The following KTN1 variants were observed in gnomAD, a reference collection of about 807,000 sequenced individuals.
KTN1 encodes kinectin.
Under a neutral mutation model 222.5 loss-of-function variants are expected in KTN1, and 130 were observed. The observed-to-expected ratio is 0.58, with a 90% CI of 0.51 to 0.68. The LOEUF (loss-of-function observed/expected upper bound fraction) is 0.68, where lower values mean the gene tolerates loss of function less well. KTN1 is among the 30% of genes least tolerant of loss of function. The pLI is 0.00. For synonymous variants in KTN1, 512 were observed against 496.3 expected, an observed-to-expected ratio of 1.03 and a Z score of -0.42; for missense variants, 1,508 against 1,500.4, an observed-to-expected ratio of 1.01 and a Z score of -0.08.
chr14:55,634,734 G>C (rs2040918553), intron 9 of KTN1, 76 bp downstream of exon 9: 1 of 1,269,006 alleles, frequency 7.9e-7, no homozygotes, highest in Non-Finnish European at 1.1e-6. Flanking sequence ...CTGGTATGAA[G>C]AACTGCCCGA....
At chr14:55,598,174 GCCTGTAATC>G (rs2035354183) in intron 1 of KTN1, among the ~76,000 whole-genome samples, 2 of 151,826 alleles carry the variant, frequency 1.3e-5, no homozygotes, top group African/African-American at 2.4e-5. Context: ...GGTGGCTCAC[GCCTGTAATC>G]CCAGCACTTT....
rs200907686 is a variant in KTN1, at chr14:55,640,357, A to G, written c.1915-17A>G. On this transcript the variant is annotated splice_polypyrimidine_tract_variant and intron_variant, in intron 14 of 43. Coordinates refer to ENST00000395314, the MANE Select transcript of KTN1 (RefSeq NM_001079521.2). ...AGTTGTATTAAGTATTTTAAATGCTATTTTTCCTTGTTCTAGGATATACAG... is the reference window on the plus strand; with the variant it reads ...AGTTGTATTAAGTATTTTAAATGCTGTTTTTCCTTGTTCTAGGATATACAG... The G allele has an allele frequency of 8.6e-6, 13 of 1,504,986 alleles. No homozygotes were observed. The highest frequency in any genetic ancestry group is 6.9e-5 in the African/African-American group (5 of 71,988). 93.2% of individuals were successfully genotyped at this position (1,504,986 alleles called of 1,614,324 possible).
chr14:55,661,471 G>C (rs1356698653), intron 31 of KTN1, 51 bp from the exon 32 acceptor site: 1 of 920,904 alleles, frequency 1.1e-6, no homozygotes, highest in South Asian at 1.4e-5. Flanking sequence ...GATCTAAGTT[G>C]TATTACTGTT....
intron 22 of KTN1, among the ~76,000 whole-genome samples, chr14:55,650,027 G>C (rs979202731): frequency 4.0e-5 from 6 of 151,328 alleles, no homozygotes; most frequent in African/African-American, 7.3e-5. Flanking sequence ...ACTATTTCCA[G>C]AGGATGGGAG....
At chr14:55,629,417 CAAAAAAAAAA>C (rs58348373) in intron 6 of KTN1, among the ~76,000 whole-genome samples, 1 of 49,148 alleles carries the variant, frequency 2.0e-5, no homozygotes, top group South Asian at 8.7e-4. Context: ...GACTCCGTCT[CAAAAAAAAAA>C]AAAAAAAAAA....
intron 18 of KTN1, 45 bp from the exon 19 acceptor site, chr14:55,646,928 G>T (rs769563221): frequency 2.4e-6 from 3 of 1,225,928 alleles, no homozygotes; most frequent in Non-Finnish European, 3.6e-6. Flanking sequence ...TTTACTTCAT[G>T]CAAATTTGGT....
Position 55,633,292 on chromosome 14 carries a change from G to A in KTN1, c.1279G>A (p.Gly427Ser), listed in dbSNP as rs2040740202. 3.1e-6 allele frequency: 5 copies of A among 1,596,248 alleles called. No individual in the cohort carries two copies. The highest frequency in any genetic ancestry group is 1.1e-5 in the South Asian group (1 of 88,504). Residue 427 changes from glycine to serine, a missense_variant, in exon 8 of 44, where the codon GGT (glycine) becomes AGT (serine). Transcript: ENST00000395314. The stretch of plus-strand genomic sequence containing the variant: ...GATAGCTCACTTGAAGCAGGAAAAT[G>A]GTATACTGAGAGATGCAGTCAGCAA... ...AEIAHLKQEN[G>S]ILRDAVSNTT...
chr14:55,619,303 T>C lies in KTN1; in HGVS notation c.954T>C (p.Ala318=). 6.2e-7 allele frequency: 1 copy of C among 1,613,502 alleles called. No individual in the cohort carries two copies. The highest frequency in any genetic ancestry group is 1.3e-5 in the African/African-American group (1 of 75,040). The part of the protein sequence containing the change: ...LKEKSGVIQD[A]LKKSSKGELT... ...AGAAGTCTGGTGTAATACAAGATGC[T>C]TTAAAGAAGGTAAGCGTGTTTTTTG... Residue 318 remains alanine (A), a synonymous_variant, in exon 5 of 44, where the codon GCT becomes GCC. Coordinates refer to ENST00000395314, the MANE Select transcript of KTN1 (RefSeq NM_001079521.2).
chr14:55,593,513 C>T (rs917851854), intron 1 of KTN1, among the ~76,000 whole-genome samples: 4 of 139,424 alleles, frequency 2.9e-5, no homozygotes, highest in Admixed American at 7.5e-5. Context: ...CACTGGGAAA[C>T]GCGCTAGGAC....
chr14:55,659,293 T>A (rs2141203658), intron 30 of KTN1, among the ~76,000 whole-genome samples: 1 of 151,658 alleles, frequency 6.6e-6, no homozygotes, highest in South Asian at 2.1e-4. Context: ...GTCCTAGTTT[T>A]GCTTTTGATT....
intron 5 of KTN1, among the ~76,000 whole-genome samples, chr14:55,624,229 G>T (rs973042616): frequency 6.6e-6 from 1 of 152,204 alleles, no homozygotes; most frequent in Admixed American, 6.5e-5. Context: ...AACTGAGTTG[G>T]TCAGAGCTTT....
In KTN1 at chr14:55,673,169, C is replaced by T. The variant is rs2045595596; in HGVS notation, c.3688-3C>T. The T allele has an allele frequency of 1.2e-6, 2 of 1,610,262 alleles. No individual in the cohort carries two copies. Among genetic ancestry groups the T allele is most frequent in the East Asian group, 2.2e-5 (1 of 44,756 alleles). On this transcript the variant is annotated splice_region_variant and splice_polypyrimidine_tract_variant and intron_variant, in intron 39 of 43. Transcript: ENST00000395314. Reference sequence around the variant, plus strand: ...CAATCTTAAACTCTAAACTTCATTGCAGCTGAAAGATCTGTTGACTGAATT... The same window carrying T: ...CAATCTTAAACTCTAAACTTCATTGTAGCTGAAAGATCTGTTGACTGAATT...
At chr14:55,606,606 T>C (rs2036763792) in intron 1 of KTN1, among the ~76,000 whole-genome samples, 1 of 152,162 alleles carries the variant, frequency 6.6e-6, no homozygotes, top group Non-Finnish European at 1.5e-5. Context: ...GTAAAAAATA[T>C]AATTCAAAAT....
chr14:55,669,372 T>G lies in KTN1; in HGVS notation c.3268-1357T>G, dbSNP rs148575414. Among the ~76,000 whole-genome samples, 929 of 152,160 alleles carry G rather than the reference T, an allele frequency of 6.1e-3. 7 individuals carry two copies. The highest frequency in any genetic ancestry group is 0.014 in the Middle Eastern group (4 of 294). ...AAAAGTTGAATATTTCTGCATATAG[T>G]CTACAAGAAATGTACTAAACTTTCT... is the stretch of plus-strand genomic sequence containing the variant. On this transcript the variant is annotated intron_variant, in intron 34 of 43. Coordinates refer to ENST00000395314, the MANE Select transcript of KTN1 (RefSeq NM_001079521.2).
intron 1 of KTN1, among the ~76,000 whole-genome samples, chr14:55,595,429 G>T (rs2034858331): frequency 6.7e-6 from 1 of 148,584 alleles, no homozygotes; most frequent in Non-Finnish European, 1.5e-5. Flanking sequence ...TGAACTAGTT[G>T]TCAGAATTTC....
intron 1 of KTN1, among the ~76,000 whole-genome samples, chr14:55,581,471 G>A (rs1161113590): frequency 1.3e-5 from 2 of 151,972 alleles, no homozygotes; most frequent in Non-Finnish European, 2.9e-5. Flanking sequence ...GTGTGTGTGT[G>A]TGATGACTTT....
chr14:55,603,671 A>G (rs1169677422), intron 1 of KTN1, among the ~76,000 whole-genome samples: 5 of 152,236 alleles, frequency 3.3e-5, no homozygotes, highest in Non-Finnish European at 7.3e-5. Flanking sequence ...GGCTTTAAAT[A>G]TAGTCCATTT....
intron 5 of KTN1, among the ~76,000 whole-genome samples, chr14:55,627,252 TC>T (rs1282733905): frequency 7.9e-5 from 12 of 152,174 alleles, no homozygotes; most frequent in Non-Finnish European, 7.3e-5. Flanking sequence ...AAAAATCTGT[TC>T]CTTGGTTGAT....
intron 31 of KTN1, among the ~76,000 whole-genome samples, chr14:55,660,195 C>A (rs756327310): frequency 2.6e-5 from 4 of 152,036 alleles, no homozygotes; most frequent in Non-Finnish European, 5.9e-5. Flanking sequence ...GCCTGGGCAA[C>A]ATAGTCAGAC....
Sources: gnomAD v4.1 joint callset for allele counts (sites outside exome capture counted in the v4.1 genomes callset) on GRCh38, gnomAD v4.1.1 for gene constraint, MANE v1.5 for transcripts, NCBI Gene and HGNC (gene_info 2026-07-23, HGNC 2026-07-21) for gene names.